GPHN: variants seen among roughly 807,000 people sequenced by gnomAD.
GPHN encodes gephyrin.
A neutral mutation model predicts 95.5 loss-of-function variants in GPHN; 17 were observed. The observed-to-expected ratio is 0.18, with a 90% CI of 0.12 to 0.27. GPHN has a LOEUF of 0.27. Ranked by LOEUF, GPHN falls within the 10% of genes least tolerant of loss-of-function variation. GPHN has a pLI of 1.00. For missense variants in GPHN, 660 were observed against 978.1 expected, an observed-to-expected ratio of 0.67 and a Z score of 4.34; for synonymous variants, 320 against 322.5, an observed-to-expected ratio of 0.99 and a Z score of 0.08.
chr14:66,770,691 G>A (rs1468184766), intron 2 of GPHN, among the ~76,000 whole-genome samples: 1 of 152,068 alleles, frequency 6.6e-6, no homozygotes, highest in African/African-American at 2.4e-5. Context: ...TAATACCGTA[G>A]TAGTCCCCCC....
At chr14:66,720,894 C>T (rs962219623) in intron 2 of GPHN, among the ~76,000 whole-genome samples, 5 of 152,206 alleles carry the variant, frequency 3.3e-5, no homozygotes, top group Admixed American at 1.3e-4. Context: ...CATAACCTAC[C>T]ACATTGCGGT....
At chr14:67,627,254 G>GATAT in the GPHN span, among the ~76,000 whole-genome samples, 3 of 46,788 alleles carry the variant, frequency 6.4e-5, no homozygotes, top group South Asian at 9.5e-4. Context: ...GATCAGTAAG[G>GATAT]AGATATATAT....
the GPHN span, among the ~76,000 whole-genome samples, chr14:67,259,416 GC>G: frequency 5.9e-5 from 9 of 151,958 alleles, no homozygotes; most frequent in African/African-American, 2.2e-4. Flanking sequence ...TTTGAGACCA[GC>G]CTGGCCAACA....
chr14:67,439,756 C>T, the GPHN span, among the ~76,000 whole-genome samples: 2 of 152,012 alleles, frequency 1.3e-5, no homozygotes, highest in Non-Finnish European at 2.9e-5. Context: ...CAAATTTGTT[C>T]CATTTTGAGA....
the GPHN span, among the ~76,000 whole-genome samples, chr14:67,702,171 G>T: frequency 6.6e-6 from 1 of 151,844 alleles, no homozygotes; most frequent in South Asian, 2.1e-4. Context: ...ATCTCATTAT[G>T]TTGCCCAGGC....
chr14:67,445,684 A>G, the GPHN span, among the ~76,000 whole-genome samples: 27 of 148,880 alleles, frequency 1.8e-4, no homozygotes, highest in African/African-American at 6.8e-4. Context: ...TCCAGGCTCA[A>G]ATGATCCTCC....
At chr14:67,302,099 A>G in the GPHN span, 2 of 1,604,856 alleles carry the variant, frequency 1.2e-6, no homozygotes, top group Non-Finnish European at 1.7e-6. Flanking sequence ...CGTATAGAAA[A>G]GGCTCGTGAT....
intron 2 of GPHN, chr14:66,761,079 G>A: frequency 2.4e-6 from 1 of 413,952 alleles, no homozygotes; most frequent in Non-Finnish European, 4.7e-6. Flanking sequence ...ACTTGGAACT[G>A]CTAAATTATT....
the GPHN span, among the ~76,000 whole-genome samples, chr14:67,694,387 G>A: frequency 1.3e-5 from 2 of 151,004 alleles, no homozygotes; most frequent in African/African-American, 4.9e-5. Context: ...TCCAGCTCTG[G>A]CCCGACTCCC....
intron 6 of GPHN, among the ~76,000 whole-genome samples, chr14:66,922,088 G>C (rs1394031681): frequency 6.6e-6 from 1 of 151,926 alleles, no homozygotes; most frequent in Non-Finnish European, 1.5e-5. Context: ...TTAAACCTAA[G>C]ACCTAAAACT....
At chr14:67,040,099 C>T (rs2074624576) in intron 10 of GPHN, among the ~76,000 whole-genome samples, 1 of 151,824 alleles carries the variant, frequency 6.6e-6, no homozygotes, top group African/African-American at 2.4e-5. Flanking sequence ...TTTTATAGTA[C>T]CTCAGTGCAA....
At chr14:67,273,297 G>A in the GPHN span, among the ~76,000 whole-genome samples, 6 of 116,100 alleles carry the variant, frequency 5.2e-5, no homozygotes, top group Admixed American at 2.0e-4. Context: ...GACAGGCCCC[G>A]ATGTGTGATG....
chr14:67,480,224 C>G, the GPHN span, among the ~76,000 whole-genome samples: 1 of 152,130 alleles, frequency 6.6e-6, no homozygotes, highest in Admixed American at 6.5e-5. Flanking sequence ...GTCACTGTGC[C>G]CCTGCTCTCG....
chr14:66,629,168 A>T (rs1178476301), intron 1 of GPHN, among the ~76,000 whole-genome samples: 3 of 100,648 alleles, frequency 3.0e-5, no homozygotes, highest in Non-Finnish European at 5.4e-5. Context: ...TATGTATATA[A>T]ATATATATAT....
the GPHN span, chr14:67,600,390 CTTG>C: frequency 1.8e-6 from 1 of 545,590 alleles, no homozygotes; most frequent in Non-Finnish European, 3.2e-6. Flanking sequence ...CCGGGCCGGC[CTTG>C]ACTGTCTTCG....
chr14:66,835,473 A>C (rs1596074943), intron 4 of GPHN, among the ~76,000 whole-genome samples: 1 of 151,854 alleles, frequency 6.6e-6, no homozygotes, highest in Non-Finnish European at 1.5e-5. Flanking sequence ...TCTATGACAA[A>C]CCCACAGCCA....
chr14:67,470,425 G>C, the GPHN span: 1 of 152,174 alleles, frequency 6.6e-6, no homozygotes, highest in African/African-American at 2.4e-5. Flanking sequence ...CACCTCAAAG[G>C]CCCTTTAGCA....
intron 1 of GPHN, among the ~76,000 whole-genome samples, chr14:66,579,799 G>A (rs925766489): frequency 5.3e-5 from 8 of 151,674 alleles, no homozygotes; most frequent in East Asian, 1.9e-4. Context: ...ACACATCATC[G>A]ACTTAGAAAA....
the GPHN span, among the ~76,000 whole-genome samples, chr14:67,657,752 T>TC: frequency 3.1e-5 from 1 of 32,068 alleles, no homozygotes; most frequent in African/African-American, 8.8e-5. Context: ...TCTTTCTTTC[T>TC]TTTTTTTTTT....
Sources: allele counts gnomAD v4.1 joint callset (sites outside exome capture counted in the v4.1 genomes callset), GRCh38; gene constraint gnomAD v4.1.1; transcripts MANE v1.5; gene names NCBI Gene and HGNC (gene_info 2026-07-23, HGNC 2026-07-21).